Variants in DSC2 observed in about 807,000 individuals in gnomAD.
DSC2 encodes the protein desmocollin-2.
Under a neutral mutation model 87.6 loss-of-function variants are expected in DSC2, and 51 were observed. The ratio of observed to expected loss-of-function variants is 0.58; its 90% CI spans 0.46 to 0.74. DSC2 has a LOEUF of 0.74. Among genes scored for constraint, DSC2 ranks in the 30% least tolerant of loss-of-function variants. The pLI, the probability that DSC2 is intolerant of heterozygous loss-of-function variation, is 0.00. For synonymous variants in DSC2, 383 were observed against 393.2 expected (o/e 0.97, Z 0.31); for missense variants, 1,066 against 1,089.5 (o/e 0.98, Z 0.30).
chr18:31,098,521 C>A (rs1350960538), intron 1 of DSC2, among the ~76,000 whole-genome samples: 1 of 152,018 alleles, frequency 6.6e-6, no homozygotes, highest in Non-Finnish European at 1.5e-5. Flanking sequence ...GTGGTGCGAT[C>A]TCGGTTCACT....
chr18:31,085,711 G>T (rs932539996), intron 7 of DSC2, among the ~76,000 whole-genome samples: 6 of 151,868 alleles, frequency 4.0e-5, no homozygotes, highest in African/African-American at 1.4e-4. Context: ...AAATTAATCT[G>T]AAGATTTAAG....
chr18:31,089,287 T>C (rs1190605682), intron 5 of DSC2, 152 bp downstream of exon 5: 2 of 721,692 alleles, frequency 2.8e-6, no homozygotes, highest in African/African-American at 1.8e-5. Context: ...ATGAAAATAT[T>C]TTTTGTTTCA....
intron 11 of DSC2, among the ~76,000 whole-genome samples, chr18:31,078,450 C>A (rs1567976002): frequency 6.6e-6 from 1 of 152,136 alleles, no homozygotes; most frequent in Non-Finnish European, 1.5e-5. Context: ...AACTCCTCTG[C>A]AACAGACGAG....
At chr18:31,080,043 T>C in intron 10 of DSC2, 53 bp downstream of exon 10, 4 of 1,610,464 alleles carry the variant, frequency 2.5e-6, no homozygotes, top group Non-Finnish European at 3.4e-6. Flanking sequence ...TAAATTATAA[T>C]AACGTAACAA....
chr18:31,085,007 A>G (rs1987350371), intron 7 of DSC2, among the ~76,000 whole-genome samples: 1 of 152,114 alleles, frequency 6.6e-6, no homozygotes, highest in Non-Finnish European at 1.5e-5. Context: ...GGTCACTCAA[A>G]GTGTAAGATA....
rs1598598885 is a variant in DSC2, at chr18:31,101,712, C to T, written c.69+191G>A. 1.3e-5 allele frequency: 8 copies of T among 610,518 alleles called. 1 individual carries two copies. In the South Asian group the frequency reaches 1.4e-4, roughly 11 times the overall value. The allele number at this position is 610,518 out of a possible 1,614,324, so 37.8% of individuals were successfully genotyped here. The stretch of plus-strand genomic sequence containing the variant: ...AGACACCTTCCCTTCCCTTGGGGAT[C>T]CCAACTCTCAGGTCGCGATCCTCTT... On this transcript the variant is annotated intron_variant, in intron 1 of 15. Transcript: ENST00000280904.
At chr18:31,074,573 T>G in intron 12 of DSC2, 110 bp downstream of exon 12, 5 of 1,021,846 alleles carry the variant, frequency 4.9e-6, no homozygotes. Flanking sequence ...TGAGAAACTT[T>G]CATTGGTGTT....
At chr18:31,074,421 ATGTGTGTGTGTGTGTGTGTG>A (rs71175757) in intron 12 of DSC2, among the ~76,000 whole-genome samples, 70 of 139,940 alleles carry the variant, frequency 5.0e-4, no homozygotes, top group Non-Finnish European at 8.0e-4. Context: ...AAGAGAAAAA[ATGTGTGTGTGTGTGTGTGTG>A]TGTGTGTGTG....
Position 31,062,658 on chromosome 18 carries a change from C to G in DSC2, c.*5357G>C, listed in dbSNP as rs772697746. ...AGTGGTCAAGAAGACAGAGGAGAAC[C>G]CTTGGGGGTTACATTTCAATATGGG... On this transcript the variant is annotated 3_prime_UTR_variant, in exon 16 of 16. Transcript: ENST00000280904. The G allele has an allele frequency of 2.6e-5, 4 of 152,212 alleles. No individual in the cohort carries two copies. The South Asian group carries it at 8.3e-4, about 32-fold the overall frequency. The allele number at this position is 152,212 out of a possible 1,614,324, so 9.4% of individuals were successfully genotyped here. A position where few individuals can be genotyped will look rare whatever the true frequency, so the allele number is the denominator to read the frequency against.
intron 3 of DSC2, chr18:31,091,703 C>T (rs1183676824): frequency 2.4e-6 from 1 of 414,632 alleles, no homozygotes. Context: ...AAACCTCCTC[C>T]TAAAATAGTT....
intron 1 of DSC2, among the ~76,000 whole-genome samples, chr18:31,096,429 G>A (rs1417327195): frequency 6.6e-6 from 1 of 152,036 alleles, no homozygotes; most frequent in African/African-American, 2.4e-5. Context: ...CAAAGCACAG[G>A]GCCCACCTAA....
Position 31,060,057 on chromosome 18 carries a change from T to C in DSC2, c.*7958A>G, listed in dbSNP as rs938546789. The C allele has an allele frequency of 4.6e-5, 7 of 152,230 alleles. No homozygotes were observed. The highest frequency in any genetic ancestry group is 5.9e-5 in the Non-Finnish European group (4 of 68,040). The allele number at this position is 152,230 out of a possible 1,614,324, so 9.4% of individuals were successfully genotyped here. On this transcript the variant is annotated 3_prime_UTR_variant, in exon 16 of 16. Transcript: ENST00000280904. Reference sequence around the variant, plus strand: ...TCCACGTCTTTCTGACTGCGAAGTCTGTGTGTGATCATTGTTTCCATTGTC... The same window carrying C: ...TCCACGTCTTTCTGACTGCGAAGTCCGTGTGTGATCATTGTTTCCATTGTC...
intron 15 of DSC2, chr18:31,068,425 G>T: frequency 7.2e-7 from 1 of 1,391,616 alleles, no homozygotes; most frequent in Non-Finnish European, 1.0e-6. Context: ...TAAAAGTCAC[G>T]CATGTGGCAG....
chr18:31,079,941 A>G lies in DSC2; in HGVS notation c.1569T>C (p.Asn523=). 1 of 1,613,916 alleles carries G rather than the reference A, an allele frequency of 6.2e-7. No individual in the cohort carries two copies. Residue 523 remains asparagine (N), a synonymous_variant, in exon 11 of 16, where the codon AAT becomes AAC. Transcript: ENST00000280904. Reference sequence around the variant, plus strand: ...TTCTGAAAACTTTGATTGATCCTGTATTTTCATCAATGGTGACCCACCCTG... The same window carrying G: ...TTCTGAAAACTTTGATTGATCCTGTGTTTTCATCAATGGTGACCCACCCTG... ...DPTGWVTIDE[N]TGSIKVFRSL... is the part of the protein sequence containing the mutation.
chr18:31,102,075 G>A lies in DSC2; in HGVS notation c.-104C>T. ...AGCGCAGTCTGGGCCCGCTGCTCAG[G>A]AGGAGCGCGAGGCGGAGGAGGTGGG... On this transcript the variant is annotated 5_prime_UTR_variant, in exon 1 of 16. Transcript: ENST00000280904. 2.0e-6 allele frequency: 2 copies of A among 1,005,478 alleles called. No homozygotes were observed. The allele number at this position is 1,005,478 out of a possible 1,614,324, so 62.3% of individuals were successfully genotyped here.
intron 1 of DSC2, among the ~76,000 whole-genome samples, chr18:31,099,601 A>AT (rs1168033372): frequency 6.6e-6 from 1 of 152,076 alleles, no homozygotes; most frequent in Non-Finnish European, 1.5e-5. Flanking sequence ...TTAAAAAAAA[A>AT]GGCGGGGGGG....
chr18:31,074,788 C>T lies in DSC2; in HGVS notation c.1783G>A (p.Val595Ile), dbSNP rs1447974524. ...ATAGGCTCATCAGGATCAACCGCAA[C>T]AATCTCCGCAGATGACATGGTGGGT... is the stretch of plus-strand genomic sequence containing the variant. ...CKPTMSSAEI[V>I]AVDPDEPIHG... The change falls in exon 12 of 16, where the codon GTT (valine) becomes ATT (isoleucine). Residue 595 changes from valine to isoleucine, a missense_variant. Physicochemically the swap from Val to Ile is conservative, Grantham distance 29. Transcript: ENST00000280904. The T allele has an allele frequency of 1.9e-6, 3 of 1,613,886 alleles. No individual in the cohort carries two copies. Among genetic ancestry groups the T allele is most frequent in the Non-Finnish European group, 2.5e-6 (3 of 1,179,988 alleles).
intron 12 of DSC2, among the ~76,000 whole-genome samples, chr18:31,073,824 G>C (rs548823608): frequency 6.6e-6 from 1 of 152,176 alleles, no homozygotes. Flanking sequence ...ATCCTTCTGG[G>C]CTAAAGACAA....
At chr18:31,093,277 C>G (rs150535517) in intron 2 of DSC2, among the ~76,000 whole-genome samples, 21 of 152,282 alleles carry the variant, frequency 1.4e-4, no homozygotes, top group Non-Finnish European at 2.8e-4. Flanking sequence ...AGCTATTTTT[C>G]CTGATGCTCT....
Sources: allele counts gnomAD v4.1 joint callset (sites outside exome capture counted in the v4.1 genomes callset), GRCh38; gene constraint gnomAD v4.1.1; transcripts MANE v1.5; gene names NCBI Gene and HGNC (gene_info 2026-07-23, HGNC 2026-07-21).